SCAPER: variants seen among roughly 807,000 people sequenced by gnomAD.
SCAPER encodes S phase cyclin A-associated protein in the endoplasmic reticulum.
In SCAPER, 98 loss-of-function variants were observed where a neutral mutation model predicts 182.2. The ratio of observed to expected loss-of-function variants is 0.54; its 90% CI spans 0.46 to 0.64. SCAPER has a LOEUF of 0.64. SCAPER is among the 30% of genes least tolerant of loss of function. SCAPER has a pLI of 0.00. For synonymous variants in SCAPER, 605 were observed against 564.6 expected (o/e 1.07, Z -1.01); for missense variants, 1,432 against 1,690.0 (o/e 0.85, Z 2.68).
At position 76,604,948 on chromosome 15, in the gene SCAPER, A is replaced by G. The variant is rs1248505508; in HGVS notation, c.2711+16816T>C. Among the ~76,000 whole-genome samples the G allele has an allele frequency of 2.0e-5, 3 of 152,056 alleles. No individual in the cohort carries two copies. The East Asian group carries it at 5.8e-4, about 29-fold the overall frequency. On this transcript the variant is annotated intron_variant, in intron 22 of 31. Coordinates refer to ENST00000563290, the MANE Select transcript of SCAPER (RefSeq NM_020843.4). ...TGGGCTGAGACGATGGGGTTTTCTA[A>G]ATATACAATCATGTCATCTGCAAAC...
At chr15:76,503,885 CTTT>C (rs928530310) in intron 24 of SCAPER, among the ~76,000 whole-genome samples, 1 of 146,582 alleles carries the variant, frequency 6.8e-6, no homozygotes. Context: ...GAAGCATTTA[CTTT>C]TTTTTTTTTC....
intron 26 of SCAPER, among the ~76,000 whole-genome samples, chr15:76,417,785 C>T (rs145178687): frequency 2.4e-4 from 36 of 152,188 alleles, no homozygotes; most frequent in Non-Finnish European, 7.4e-5. Flanking sequence ...TTTGGGAGGC[C>T]GAGGTGGGCG....
At chr15:76,747,824 C>T (rs888198424) in intron 15 of SCAPER, among the ~76,000 whole-genome samples, 1 of 152,104 alleles carries the variant, frequency 6.6e-6, no homozygotes, top group Non-Finnish European at 1.5e-5. Context: ...TGGTGCCATG[C>T]TTCTTGTACA....
chr15:76,786,104 G>A (rs1260918979), intron 8 of SCAPER, among the ~76,000 whole-genome samples: 5 of 152,064 alleles, frequency 3.3e-5, no homozygotes, highest in African/African-American at 7.2e-5. Context: ...CTAGGTGGGC[G>A]GATCACAAGG....
At chr15:76,450,911 C>T (rs1332856181) in intron 25 of SCAPER, among the ~76,000 whole-genome samples, 2 of 152,178 alleles carry the variant, frequency 1.3e-5, no homozygotes, top group Admixed American at 6.5e-5. Context: ...TTGAAGTGTA[C>T]ACTTGGATTA....
chr15:76,501,488 A>G (rs1369780851), intron 24 of SCAPER, among the ~76,000 whole-genome samples: 2 of 152,254 alleles, frequency 1.3e-5, no homozygotes, highest in Non-Finnish European at 2.9e-5. Context: ...AGAGGACAGG[A>G]AGCTGGTTTA....
At chr15:76,407,598 TAAAGA>T (rs1360601848) in intron 26 of SCAPER, among the ~76,000 whole-genome samples, 1 of 152,188 alleles carries the variant, frequency 6.6e-6, no homozygotes, top group Non-Finnish European at 1.5e-5. Flanking sequence ...ATTTATATAG[TAAAGA>T]AAAGCAGAAA....
At chr15:76,677,226 C>T (rs940372670) in intron 20 of SCAPER, among the ~76,000 whole-genome samples, 8 of 152,086 alleles carry the variant, frequency 5.3e-5, no homozygotes, top group African/African-American at 1.4e-4. Flanking sequence ...CTGAATCCTG[C>T]ATAATACAAT....
chr15:76,516,653 T>C lies in SCAPER; in HGVS notation c.2839-11679A>G, dbSNP rs139197629. Among the ~76,000 whole-genome samples the C allele has an allele frequency of 8.2e-3, 1,250 of 152,298 alleles. 6 individuals carry two copies. The highest frequency in any genetic ancestry group is 0.02 in the Middle Eastern group (6 of 294). On this transcript the variant is annotated intron_variant, in intron 23 of 31. Transcript: ENST00000563290. ...GGTTGGTTCCAAGTCTTTGGTATTG[T>C]GAATAGTGCTGCAATAAACATATGT... is the stretch of plus-strand genomic sequence containing the variant.
chr15:76,790,461 TCA>T lies in SCAPER; in HGVS notation c.772+4817_772+4818del, dbSNP rs1193147726. On this transcript the variant is annotated intron_variant, in intron 8 of 31. Coordinates refer to ENST00000563290, the MANE Select transcript of SCAPER (RefSeq NM_020843.4). Reference sequence around the variant, plus strand: ...CATGAAAAAATTTTTAGTTACAAACTCACACTTTTTAAAAATACTTCTAAGTT... The same window carrying T: ...CATGAAAAAATTTTTAGTTACAAACTCACTTTTTAAAAATACTTCTAAGTT... Among the ~76,000 whole-genome samples, 3 of 152,202 alleles carry T rather than the reference TCA, an allele frequency of 2.0e-5. No homozygotes were observed. In the East Asian group the frequency reaches 5.8e-4, roughly 29 times the overall value.
At chr15:76,432,674 T>A (rs759012646) in intron 26 of SCAPER, among the ~76,000 whole-genome samples, 2 of 152,220 alleles carry the variant, frequency 1.3e-5, no homozygotes, top group Non-Finnish European at 2.9e-5. Flanking sequence ...TGAGTTCAGA[T>A]GCCAAAGTAG....
intron 5 of SCAPER, among the ~76,000 whole-genome samples, chr15:76,823,127 C>T (rs903380516): frequency 6.6e-5 from 10 of 152,068 alleles, no homozygotes; most frequent in African/African-American, 2.4e-4. Flanking sequence ...ACTCAAAAAC[C>T]TCAAAAATAT....
At chr15:76,650,448 AG>A (rs2054933501) in intron 21 of SCAPER, among the ~76,000 whole-genome samples, 1 of 152,012 alleles carries the variant, frequency 6.6e-6, no homozygotes, top group South Asian at 2.1e-4. Context: ...ATAATGGGAA[AG>A]GGAACAATTT....
At chr15:76,802,959 A>G (rs988310175) in intron 6 of SCAPER, among the ~76,000 whole-genome samples, 4 of 152,198 alleles carry the variant, frequency 2.6e-5, no homozygotes, top group Non-Finnish European at 5.9e-5. Context: ...TAGAGTATCT[A>G]ATTCTCCCTA....
chr15:76,862,450 A>C lies in SCAPER; in HGVS notation c.90T>G (p.Ala30=), dbSNP rs761310880. The C allele has an allele frequency of 1.2e-6, 2 of 1,612,394 alleles. No individual in the cohort carries two copies. The highest frequency in any genetic ancestry group is 3.3e-5 in the Admixed American group (2 of 59,914). The change falls in exon 3 of 32, where the codon GCT becomes GCG. Residue 30 remains alanine, a synonymous_variant. Coordinates refer to ENST00000563290, the MANE Select transcript of SCAPER (RefSeq NM_020843.4). ...CTTTGCTTTCTAGTGGAACACTCCA[A>C]GCTATTAGGTTTCTTGCTGTACGAC... is the stretch of plus-strand genomic sequence containing the variant. The part of the protein sequence containing the change: ...EEGRTARNLI[A]WSVPLESKDD...
chr15:76,802,142 G>A (rs2065841618), intron 6 of SCAPER, among the ~76,000 whole-genome samples: 1 of 151,608 alleles, frequency 6.6e-6, no homozygotes, highest in African/African-American at 2.4e-5. Context: ...ACTCAATCAA[G>A]TTAAATAAAA....
intron 24 of SCAPER, among the ~76,000 whole-genome samples, chr15:76,491,759 G>A (rs1426279859): frequency 6.6e-6 from 1 of 152,134 alleles, no homozygotes; most frequent in Non-Finnish European, 1.5e-5. Context: ...AGCCACCTGA[G>A]TAGGTGGGAT....
chr15:76,417,972 C>T (rs1227537531), intron 26 of SCAPER, among the ~76,000 whole-genome samples: 2 of 151,978 alleles, frequency 1.3e-5, no homozygotes, highest in African/African-American at 2.4e-5. Context: ...GAGCCGAGAT[C>T]GCGCCTCTGC....
intron 27 of SCAPER, among the ~76,000 whole-genome samples, chr15:76,389,105 A>C (rs2043481809): frequency 6.6e-6 from 1 of 152,208 alleles, no homozygotes; most frequent in South Asian, 2.1e-4. Context: ...CTGTTGAAGA[A>C]AATGGGGATG....
Sources: allele counts gnomAD v4.1 joint callset (sites outside exome capture counted in the v4.1 genomes callset), GRCh38; gene constraint gnomAD v4.1.1; transcripts MANE v1.5; gene names NCBI Gene and HGNC (gene_info 2026-07-23, HGNC 2026-07-21).